PCLO: variants seen among roughly 807,000 people sequenced by gnomAD.
PCLO encodes the protein piccolo presynaptic cytomatrix protein.
In PCLO, 82 loss-of-function variants were observed where a neutral mutation model predicts 427.5. The observed-to-expected ratio is 0.19, with a 90% confidence interval of 0.16 to 0.23. The LOEUF is 0.23. PCLO is among the 10% of genes least tolerant of loss of function. The pLI is 1.00. For synonymous variants in PCLO, 2,357 were observed against 2,155.4 expected, an observed-to-expected ratio of 1.09 and a Z score of -2.59; for missense variants, 6,239 against 6,115.9, an observed-to-expected ratio of 1.02 and a Z score of -0.67.
chr7:82,939,553 T>C (rs1301509465), intron 6 of PCLO, among the ~76,000 whole-genome samples: 2 of 151,514 alleles, frequency 1.3e-5, no homozygotes, highest in East Asian at 1.9e-4. Context: ...TGTATTTTTT[T>C]CCCATTGGAA....
chr7:82,822,997 A>G (rs908073731), intron 19 of PCLO, among the ~76,000 whole-genome samples: 2 of 152,192 alleles, frequency 1.3e-5, no homozygotes, highest in South Asian at 2.1e-4. Flanking sequence ...ATTCCAGCAG[A>G]GGTCAGGTAG....
intron 3 of PCLO, among the ~76,000 whole-genome samples, chr7:83,039,812 C>T (rs1359696581): frequency 2.0e-5 from 3 of 152,118 alleles, no homozygotes; most frequent in African/African-American, 7.2e-5. Flanking sequence ...AATTAGAAGT[C>T]TTCCAATCTA....
intron 22 of PCLO, among the ~76,000 whole-genome samples, chr7:82,786,913 C>T (rs1790996426): frequency 6.6e-6 from 1 of 152,120 alleles, no homozygotes; most frequent in Non-Finnish European, 1.5e-5. Flanking sequence ...CTGCAAAGGA[C>T]ATGAACTCAT....
chr7:82,917,276 C>T (rs1794490475), intron 6 of PCLO, among the ~76,000 whole-genome samples: 1 of 151,934 alleles, frequency 6.6e-6, no homozygotes, highest in African/African-American at 2.4e-5. Context: ...GGCTGTCATT[C>T]CCATTTTTTA....
At chr7:82,858,699 T>G (rs1467668351) in intron 10 of PCLO, among the ~76,000 whole-genome samples, 1 of 152,110 alleles carries the variant, frequency 6.6e-6, no homozygotes, top group Non-Finnish European at 1.5e-5. Flanking sequence ...GAAAAAGAAA[T>G]TTTGAAATAT....
At chr7:83,036,316 T>C (rs1788793933) in intron 3 of PCLO, among the ~76,000 whole-genome samples, 1 of 152,228 alleles carries the variant, frequency 6.6e-6, no homozygotes, top group Non-Finnish European at 1.5e-5. Flanking sequence ...GAAAGAGAAT[T>C]TGGAATTCTA....
intron 3 of PCLO, among the ~76,000 whole-genome samples, chr7:83,017,615 C>T (rs1279409052): frequency 6.6e-6 from 1 of 151,806 alleles, no homozygotes; most frequent in Non-Finnish European, 1.5e-5. Context: ...GCATCCTTTT[C>T]CTAATGATAT....
At chr7:83,110,418 C>A (rs980431143) in intron 3 of PCLO, among the ~76,000 whole-genome samples, 5 of 151,868 alleles carry the variant, frequency 3.3e-5, no homozygotes, top group Admixed American at 6.6e-5. Flanking sequence ...TGTCTCTTTT[C>A]TTGTTTTCAA....
intron 3 of PCLO, among the ~76,000 whole-genome samples, chr7:83,101,119 A>G (rs532722194): frequency 4.9e-4 from 74 of 152,060 alleles, no homozygotes; most frequent in African/African-American, 1.5e-3. Flanking sequence ...ATTAAAATTA[A>G]TTAGCATAAT....
chr7:83,150,686 C>T (rs1792106916), intron 2 of PCLO, among the ~76,000 whole-genome samples: 2 of 152,130 alleles, frequency 1.3e-5, no homozygotes, highest in South Asian at 4.2e-4. Context: ...CAAATATAGT[C>T]ATAATTCTGA....
At chr7:82,877,219 T>C (rs889868410) in intron 10 of PCLO, among the ~76,000 whole-genome samples, 5 of 152,142 alleles carry the variant, frequency 3.3e-5, no homozygotes, top group Admixed American at 3.3e-4. Context: ...TCATAGAATA[T>C]ACTGCGTTGA....
At chr7:82,831,250 G>T (rs1018845199) in intron 16 of PCLO, among the ~76,000 whole-genome samples, 2 of 151,966 alleles carry the variant, frequency 1.3e-5, no homozygotes, top group African/African-American at 4.8e-5. Flanking sequence ...TTATTAACTG[G>T]ACCAGGATCC....
intron 3 of PCLO, among the ~76,000 whole-genome samples, chr7:83,105,888 G>T (rs1790842545): frequency 6.6e-6 from 1 of 152,130 alleles, no homozygotes; most frequent in Non-Finnish European, 1.5e-5. Flanking sequence ...AGCTAAACTA[G>T]TAGGTTCCTT....
At chr7:82,909,610 G>A (rs1794274023) in intron 7 of PCLO, among the ~76,000 whole-genome samples, 1 of 152,036 alleles carries the variant, frequency 6.6e-6, no homozygotes, top group East Asian at 1.9e-4. Context: ...TCAACCCAGT[G>A]CCAATAAGTT....
chr7:82,969,040 G>A (rs1233755502), intron 3 of PCLO, among the ~76,000 whole-genome samples: 3 of 152,244 alleles, frequency 2.0e-5, no homozygotes, highest in East Asian at 1.9e-4. Context: ...TTCTATCTGA[G>A]ATGTTGGGAC....
intron 3 of PCLO, among the ~76,000 whole-genome samples, chr7:82,970,675 C>T (rs555196273): frequency 5.9e-5 from 9 of 151,708 alleles, no homozygotes; most frequent in Admixed American, 4.6e-4. Flanking sequence ...GAACAAAGCC[C>T]TAGAGTAACA....
intron 10 of PCLO, among the ~76,000 whole-genome samples, chr7:82,848,244 A>G (rs1291450530): frequency 6.7e-6 from 1 of 150,362 alleles, no homozygotes; most frequent in African/African-American, 2.4e-5. Flanking sequence ...TGTGAACTTC[A>G]CCAGCTTTAT....
intron 22 of PCLO, among the ~76,000 whole-genome samples, chr7:82,782,075 C>T (rs1027526250): frequency 2.0e-5 from 3 of 152,176 alleles, no homozygotes; most frequent in Non-Finnish European, 4.4e-5. Flanking sequence ...TGAAGCCAGT[C>T]GGTCAGAACT....
At chr7:83,092,398 C>CA (rs1266874497) in intron 3 of PCLO, among the ~76,000 whole-genome samples, 1 of 148,556 alleles carries the variant, frequency 6.7e-6, no homozygotes, top group Non-Finnish European at 1.5e-5. Flanking sequence ...GGACCCGGCA[C>CA]AAATATACAA....
Sources: gnomAD v4.1 joint callset for allele counts (sites outside exome capture counted in the v4.1 genomes callset) on GRCh38, gnomAD v4.1.1 for gene constraint, MANE v1.5 for transcripts, NCBI Gene and HGNC (gene_info 2026-07-23, HGNC 2026-07-21) for gene names.